The following SP7 variants were observed in gnomAD, a reference collection of about 807,000 sequenced individuals.
SP7 encodes the protein transcription factor Sp7.
A neutral mutation model predicts 27.9 loss-of-function variants in SP7; 13 were observed. The ratio of observed to expected loss-of-function variants is 0.47; its 90% CI spans 0.30 to 0.74. The LOEUF (loss-of-function observed/expected upper bound fraction) is 0.74. Among genes scored for constraint, SP7 ranks in the 30% least tolerant of loss-of-function variants. SP7 has a pLI of 0.06. For missense variants in SP7, 525 were observed against 558.0 expected, an observed-to-expected ratio of 0.94 and a Z score of 0.60; for synonymous variants, 219 against 226.7, an observed-to-expected ratio of 0.97 and a Z score of 0.31.
rs886049660 is a variant in SP7 at position 53,335,707 on chromosome 12, T to TG, written c.-47-15dup. 0.012 allele frequency: 2,794 copies of TG among 230,960 alleles called. 41 individuals carry two copies. In the African/African-American group the frequency reaches 0.13, roughly 10 times the overall value. 14.3% of individuals were successfully genotyped at this position (230,960 alleles called of 1,614,324 possible). A position where few individuals can be genotyped will look rare whatever the true frequency, so the allele number is the denominator to read the frequency against. ...AGATGGAGAGAGCTGAGCCGGGGGG[T>TG]GGGGGGGGTAGAGAGAGAAAAGGGA... On this transcript the variant is annotated splice_polypyrimidine_tract_variant and intron_variant, in intron 1 of 2. Transcript: ENST00000536324.
Position 53,327,878 on chromosome 12 carries a change from G to T in SP7, c.*268C>A. 1 of 462,492 alleles carries T rather than the reference G, an allele frequency of 2.2e-6. No individual in the cohort carries two copies. The allele number at this position is 462,492 out of a possible 1,614,324, so 28.6% of individuals were successfully genotyped here. On this transcript the variant is annotated 3_prime_UTR_variant, in exon 3 of 3. Transcript: ENST00000536324. ...AGTGTGTTGGTGTGGCAGGGCCAGA[G>T]TCTAGGAAGCCGGAGTGCAGGTATC...
intron 1 of SP7, among the ~76,000 whole-genome samples, chr12:53,343,046 A>G (rs1001197478): frequency 2.6e-5 from 4 of 151,836 alleles, no homozygotes; most frequent in African/African-American, 9.7e-5. Context: ...CTGTAATCCC[A>G]GCACTTTGGG....
chr12:53,338,290 G>C (rs559022099), upstream of SP7, among the ~76,000 whole-genome samples: 1 of 152,302 alleles, frequency 6.6e-6, no homozygotes, highest in African/African-American at 2.4e-5. Context: ...CCCTTGTTGG[G>C]GGGGAGTCTG....
upstream of SP7, among the ~76,000 whole-genome samples, chr12:53,336,616 C>T (rs1592536395): frequency 1.3e-5 from 2 of 152,182 alleles, no homozygotes. Flanking sequence ...CAAATGCACA[C>T]AGTGACGCAC....
rs1592529166 is a variant in SP7 at position 53,327,160 on chromosome 12, C to T, written c.*986G>A. ...CTCTGCAGTCAAGGGAGATGGGGTA[C>T]ATTCCAGTCCTTCTCCCCTCCATAG... On this transcript the variant is annotated 3_prime_UTR_variant, in exon 3 of 3. Coordinates refer to ENST00000536324, the MANE Select transcript of SP7 (RefSeq NM_001173467.3). 2.0e-5 allele frequency: 3 copies of T among 152,782 alleles called. No homozygotes were observed. In the Middle Eastern group the frequency reaches 0.01, roughly 520 times the overall value. The allele number at this position is 152,782 out of a possible 1,614,324, so 9.5% of individuals were successfully genotyped here. A position where few individuals can be genotyped will look rare whatever the true frequency, so the allele number is the denominator to read the frequency against.
chr12:53,334,487 G>A (rs1476736489), intron 2 of SP7, among the ~76,000 whole-genome samples: 4 of 152,170 alleles, frequency 2.6e-5, no homozygotes, highest in Non-Finnish European at 4.4e-5. Flanking sequence ...TCTCCCACAG[G>A]TTGAGTGAGT....
chr12:53,344,543 G>GC lies in SP7; in HGVS notation c.-34+570dup, dbSNP rs1207331194. On this transcript the variant is annotated intron_variant, in intron 1 of 1. Transcript: ENST00000547755. This position sits in a 1 kb window ranked among gnomAD's most constrained non-coding sequence, Gnocchi z 4.6. ...CCTCCCCACATAGCCTCAATGGGAC[G>GC]CCCCCCTCTGGATTTCAAAGCGCTG... is the stretch of plus-strand genomic sequence containing the variant. Among the ~76,000 whole-genome samples, 1 of 152,074 alleles carries GC rather than the reference G, an allele frequency of 6.6e-6. No individual in the cohort carries two copies. Among genetic ancestry groups the GC allele is most frequent in the Non-Finnish European group, 1.5e-5 (1 of 68,030 alleles).
intron 1 of SP7, among the ~76,000 whole-genome samples, chr12:53,343,421 G>T (rs1213907746): frequency 6.6e-6 from 1 of 152,170 alleles, no homozygotes; most frequent in Non-Finnish European, 1.5e-5. Flanking sequence ...AGAGGAGAAT[G>T]AAATAAGGGC....
intron 2 of SP7, among the ~76,000 whole-genome samples, chr12:53,331,718 G>A (rs773401728): frequency 5.9e-5 from 9 of 152,106 alleles, no homozygotes; most frequent in African/African-American, 2.2e-4. Context: ...ACAGTTATAT[G>A]GGTATGAAAG....
upstream of SP7, among the ~76,000 whole-genome samples, chr12:53,337,233 T>A (rs1251730271): frequency 1.3e-5 from 2 of 152,244 alleles, no homozygotes; most frequent in East Asian, 3.8e-4. Context: ...CTGACTTTCC[T>A]GGGAACTCCT....
chr12:53,337,081 C>T (rs1206938274), upstream of SP7, among the ~76,000 whole-genome samples: 1 of 152,142 alleles, frequency 6.6e-6, no homozygotes, highest in Admixed American at 6.6e-5. Context: ...GACACCTAAC[C>T]TCTTTGGATT....
chr12:53,333,132 G>A (rs1944725484), intron 2 of SP7, among the ~76,000 whole-genome samples: 2 of 152,182 alleles, frequency 1.3e-5, no homozygotes, highest in South Asian at 4.1e-4. Flanking sequence ...GAATGCTCTG[G>A]GGGCTACAGG....
intron 2 of SP7, among the ~76,000 whole-genome samples, chr12:53,331,053 G>T (rs967523742): frequency 6.6e-6 from 1 of 152,206 alleles, no homozygotes; most frequent in East Asian, 1.9e-4. Context: ...AAGGAATGGG[G>T]TAACTAAGAT....
At position 53,344,436 on chromosome 12, in the gene SP7, A is replaced by C. The variant is rs1395809436; in HGVS notation, c.-34+678T>G. ...CCTCCCCTACATAGGAACCCGCTGT[A>C]AGTTATAAGCCTACCTAGGCCCACT... On this transcript the variant is annotated intron_variant, in intron 1 of 1. Coordinates refer to the SP7 transcript ENST00000547755. The surrounding 1 kb of genome is among the most constrained non-coding windows in gnomAD (Gnocchi z 4.6). Among the ~76,000 whole-genome samples the C allele has an allele frequency of 4.0e-5, 6 of 151,868 alleles. No homozygotes were observed. Among genetic ancestry groups the C allele is most frequent in the Non-Finnish European group, 4.4e-5 (3 of 67,982 alleles).
At chr12:53,334,096 A>G (rs1231250649) in intron 2 of SP7, among the ~76,000 whole-genome samples, 3 of 152,152 alleles carry the variant, frequency 2.0e-5, no homozygotes, top group African/African-American at 4.8e-5. Flanking sequence ...TCAAGACCAC[A>G]GTGTTTCAAT....
rs369792296 is a variant in SP7 at position 53,328,258 on chromosome 12, C to T, written c.1184G>A (p.Arg395His). ...ACTGGCCTCCTCTTCCCCCGTGCTG[C>T]GGCCCTCCCCCAGCTCCTTGGGGCC... ...PSGPKELGEGRSTGEEEASQT... is the reference protein window; with the variant it reads ...PSGPKELGEGHSTGEEEASQT... Residue 395 changes from arginine to histidine, a missense_variant, in exon 3 of 3, where the codon CGC becomes CAC. Coordinates refer to ENST00000536324, the MANE Select transcript of SP7 (RefSeq NM_001173467.3). This position sits in a 1 kb window ranked among gnomAD's most constrained non-coding sequence, Gnocchi z 5.1. The T allele has an allele frequency of 2.5e-4, 406 of 1,611,352 alleles. 4 individuals are homozygous for T. In the South Asian group the frequency reaches 4.1e-3, roughly 16 times the overall value.
Position 53,328,660 on chromosome 12 carries a change from C to G in SP7, c.782G>C (p.Gly261Ala). Residue 261 changes from glycine to alanine, a missense_variant, in exon 3 of 3, where the codon GGG becomes GCG. By Grantham distance (60) the Gly-to-Ala change is moderately conservative. Coordinates refer to ENST00000536324, the MANE Select transcript of SP7 (RefSeq NM_001173467.3). This position sits in a 1 kb window ranked among gnomAD's most constrained non-coding sequence, Gnocchi z 5.1. Reference protein sequence around the residue: ...GASTGGSGGYGGSGAGRSSCD... With the variant: ...GASTGGSGGYAGSGAGRSSCD... ...GGAGGAGCGCCCTGCCCCACTGCCCCCATATCCACCACTACCCCCAGTGCT... is the reference window on the plus strand; with the variant it reads ...GGAGGAGCGCCCTGCCCCACTGCCCGCATATCCACCACTACCCCCAGTGCT... 1 of 1,610,326 alleles carries G rather than the reference C, an allele frequency of 6.2e-7. No homozygotes were observed.
chr12:53,332,687 C>T (rs1944719523), intron 2 of SP7, among the ~76,000 whole-genome samples: 1 of 151,730 alleles, frequency 6.6e-6, no homozygotes, highest in African/African-American at 2.4e-5. Flanking sequence ...AGAGACTGGG[C>T]TAGAAAAGCA....
chr12:53,331,157 T>G (rs1944698765), intron 2 of SP7, among the ~76,000 whole-genome samples: 1 of 152,054 alleles, frequency 6.6e-6, no homozygotes, highest in South Asian at 2.1e-4. Context: ...ATGTAGTATA[T>G]GGGAGTCTTT....
Sources: allele counts gnomAD v4.1 joint callset (sites outside exome capture counted in the v4.1 genomes callset), GRCh38; gene constraint gnomAD v4.1.1; non-coding constraint Gnocchi (gnomAD v3.1); transcripts MANE v1.5; gene names NCBI Gene and HGNC (gene_info 2026-07-23, HGNC 2026-07-21).